Variants in RASAL2 observed in about 807,000 individuals in gnomAD.
The protein encoded by RASAL2 is ras GTPase-activating protein nGAP.
A neutral mutation model predicts 128.9 loss-of-function variants in RASAL2; 58 were observed. The ratio of observed to expected loss-of-function variants is 0.45; its 90% CI spans 0.36 to 0.56. The LOEUF (loss-of-function observed/expected upper bound fraction) is 0.56. Ranked by LOEUF, RASAL2 falls within the 20% of genes least tolerant of loss-of-function variation. The probability of loss-of-function intolerance (pLI) is 0.00; values close to 1 mark genes in which losing one functional copy is unlikely to be tolerated. For missense variants in RASAL2, 1,360 were observed against 1,601.6 expected (o/e 0.85, Z 2.57); for synonymous variants, 561 against 580.8 (o/e 0.97, Z 0.49).
chr1:178,113,548 G>GTGTGTA (rs1252890438), intron 1 of RASAL2, among the ~76,000 whole-genome samples: 27 of 150,700 alleles, frequency 1.8e-4, no homozygotes, highest in African/African-American at 6.4e-4. Flanking sequence ...GTGTGTGTGT[G>GTGTGTA]TGTGTGTGTG....
At chr1:178,209,491 T>G (rs1423714188) in intron 1 of RASAL2, among the ~76,000 whole-genome samples, 1 of 152,166 alleles carries the variant, frequency 6.6e-6, no homozygotes, top group East Asian at 1.9e-4. Flanking sequence ...TTTCTCATCT[T>G]TTTCCATTCC....
chr1:178,350,415 G>A (rs565953381), intron 3 of RASAL2, among the ~76,000 whole-genome samples: 1 of 152,190 alleles, frequency 6.6e-6, no homozygotes, highest in South Asian at 2.1e-4. Flanking sequence ...TTTTGTTTTT[G>A]TAGAGACAGG....
chr1:178,338,731 T>C (rs1669717801), intron 3 of RASAL2, among the ~76,000 whole-genome samples: 1 of 152,238 alleles, frequency 6.6e-6, no homozygotes, highest in Non-Finnish European at 1.5e-5. Flanking sequence ...GCACTTACTA[T>C]GTGGCAGACA....
intron 1 of RASAL2, among the ~76,000 whole-genome samples, chr1:178,180,507 A>G (rs1165163691): frequency 6.9e-6 from 1 of 143,906 alleles, no homozygotes; most frequent in East Asian, 2.0e-4. Context: ...AAAAAAAAAA[A>G]AACCCACAAA....
intron 17 of RASAL2, among the ~76,000 whole-genome samples, chr1:178,469,961 C>A (rs895148394): frequency 6.6e-6 from 1 of 152,210 alleles, no homozygotes; most frequent in East Asian, 1.9e-4. Context: ...ATCCTAAACA[C>A]TATAGTTAAA....
chr1:178,466,831 T>C (rs1342686880), intron 16 of RASAL2, among the ~76,000 whole-genome samples: 1 of 152,118 alleles, frequency 6.6e-6, no homozygotes, highest in Admixed American at 6.5e-5. Context: ...GTTTTAATAG[T>C]GTGGAGGTAA....
At chr1:178,314,160 A>G (rs960639285) in intron 3 of RASAL2, among the ~76,000 whole-genome samples, 2 of 152,234 alleles carry the variant, frequency 1.3e-5, no homozygotes, top group Non-Finnish European at 2.9e-5. Context: ...AATTAATTCC[A>G]CATAGGTCTC....
At chr1:178,103,790 A>G (rs981486280) in intron 1 of RASAL2, among the ~76,000 whole-genome samples, 3 of 152,106 alleles carry the variant, frequency 2.0e-5, no homozygotes, top group African/African-American at 7.2e-5. Flanking sequence ...CTTTATCTGC[A>G]ACAGTTGCCA....
At chr1:178,244,042 A>C (rs1465675742) in intron 1 of RASAL2, among the ~76,000 whole-genome samples, 1 of 152,140 alleles carries the variant, frequency 6.6e-6, no homozygotes. Context: ...GCACTTTTCC[A>C]ACGTCACTTT....
In RASAL2 at chr1:178,354,337, G is replaced by A. The variant is rs142309398; in HGVS notation, c.458-35763G>A. 3.4e-3 allele frequency among the ~76,000 whole-genome samples: 510 copies of A among 152,172 alleles called. 1 individual carries two copies. The highest frequency in any genetic ancestry group is 0.012 in the African/African-American group (482 of 41,538). On this transcript the variant is annotated intron_variant, in intron 3 of 17. Transcript: ENST00000367649. ...AAGAACTCTTAGCAAAACAACAATA[G>A]AAAAGAATTTCTTTACTCTGATTAG...
At chr1:178,141,353 C>T (rs186634297) in intron 1 of RASAL2, among the ~76,000 whole-genome samples, 29 of 151,918 alleles carry the variant, frequency 1.9e-4, no homozygotes, top group East Asian at 5.8e-4. Flanking sequence ...TGCTGTCAGG[C>T]GAGAGATGAT....
chr1:178,395,793 T>TATATATATATATATATATC (rs879578177), intron 4 of RASAL2, among the ~76,000 whole-genome samples: 1 of 124,602 alleles, frequency 8.0e-6, no homozygotes, highest in African/African-American at 3.5e-5. Context: ...ATATATATAT[T>TATATATATATATATATATC]TATTTATTCA....
At chr1:178,280,232 T>C (rs1233785499) in intron 1 of RASAL2, among the ~76,000 whole-genome samples, 1 of 152,154 alleles carries the variant, frequency 6.6e-6, no homozygotes, top group Non-Finnish European at 1.5e-5. Flanking sequence ...TTTCTTTGTG[T>C]ATATCAACCA....
intron 1 of RASAL2, among the ~76,000 whole-genome samples, chr1:178,186,554 G>T (rs1440474277): frequency 1.3e-5 from 2 of 152,042 alleles, no homozygotes; most frequent in Non-Finnish European, 2.9e-5. Context: ...TTAAAGTCTT[G>T]TTCCATCATC....
chr1:178,339,227 A>G (rs1557913006), intron 3 of RASAL2, among the ~76,000 whole-genome samples: 1 of 152,210 alleles, frequency 6.6e-6, no homozygotes, highest in Non-Finnish European at 1.5e-5. Flanking sequence ...TTAAATACCA[A>G]GGAAAGATAG....
At chr1:178,106,724 A>G (rs188241227) in intron 1 of RASAL2, among the ~76,000 whole-genome samples, 76 of 152,320 alleles carry the variant, frequency 5.0e-4, no homozygotes, top group African/African-American at 1.7e-3. Flanking sequence ...ATAGAAAGAT[A>G]CCCCAGATAC....
intron 1 of RASAL2, among the ~76,000 whole-genome samples, chr1:178,233,251 T>A (rs990703856): frequency 1.3e-5 from 2 of 152,238 alleles, no homozygotes; most frequent in Non-Finnish European, 2.9e-5. Context: ...TAGAGGAATC[T>A]TAAAGTTTAG....
At chr1:178,223,855 G>T (rs189198622) in intron 1 of RASAL2, among the ~76,000 whole-genome samples, 1 of 152,200 alleles carries the variant, frequency 6.6e-6, no homozygotes, top group East Asian at 1.9e-4. Flanking sequence ...GTGAGAGATG[G>T]TGATAACTAA....
At chr1:178,137,360 T>C (rs572043600) in intron 1 of RASAL2, among the ~76,000 whole-genome samples, 4 of 152,304 alleles carry the variant, frequency 2.6e-5, no homozygotes, top group African/African-American at 9.6e-5. Flanking sequence ...TGAAGTTATA[T>C]TTTCCTCTGT....
Sources: gnomAD v4.1 joint callset for allele counts (sites outside exome capture counted in the v4.1 genomes callset) on GRCh38, gnomAD v4.1.1 for gene constraint, MANE v1.5 for transcripts, NCBI Gene and HGNC (gene_info 2026-07-23, HGNC 2026-07-21) for gene names.